Variants in GLYATL1 observed in about 807,000 individuals in gnomAD.
GLYATL1 encodes the protein glycine-N-acyltransferase like 1, also known as glycine N-acyltransferase-like protein 1.
In GLYATL1, 15 loss-of-function variants were observed where a neutral mutation model predicts 20.0. The ratio of observed to expected loss-of-function variants is 0.75; its 90% CI spans 0.50 to 1.15. The LOEUF is 1.15. GLYATL1 is among the 50% of genes most tolerant of loss of function. The probability of loss-of-function intolerance (pLI) is 0.00; values close to 1 mark genes in which losing one functional copy is unlikely to be tolerated. For synonymous variants in GLYATL1, 151 were observed against 131.5 expected, an observed-to-expected ratio of 1.15 and a Z score of -1.01; for missense variants, 380 against 368.5, an observed-to-expected ratio of 1.03 and a Z score of -0.26.
chr11:58,954,374 G>A (rs1857225724), intron 4 of GLYATL1, among the ~76,000 whole-genome samples: 1 of 152,204 alleles, frequency 6.6e-6, no homozygotes, highest in South Asian at 2.1e-4. Context: ...GAAGCAGGGA[G>A]AGAAGCAATT....
At chr11:58,950,868 C>T (rs1182327448) in intron 4 of GLYATL1, among the ~76,000 whole-genome samples, 1 of 151,900 alleles carries the variant, frequency 6.6e-6, no homozygotes, top group Admixed American at 6.6e-5. Context: ...TTACTTTTGA[C>T]CTGTTTATAT....
chr11:58,931,092 C>T (rs189063465), intron 1 of GLYATL1, among the ~76,000 whole-genome samples: 13 of 152,280 alleles, frequency 8.5e-5, no homozygotes, highest in Admixed American at 3.3e-4. Flanking sequence ...ATTATCTCAT[C>T]GTTCTGGAGG....
intron 4 of GLYATL1, among the ~76,000 whole-genome samples, chr11:58,953,201 AT>A (rs1857120038): frequency 6.6e-6 from 1 of 152,122 alleles, no homozygotes; most frequent in Non-Finnish European, 1.5e-5. Context: ...TTCATTTCTG[AT>A]ATTTTCTATT....
At chr11:58,942,976 AAC>A (rs1856277006) in intron 1 of GLYATL1, among the ~76,000 whole-genome samples, 4 of 152,220 alleles carry the variant, frequency 2.6e-5, no homozygotes, top group Admixed American at 2.6e-4. Context: ...TGGATTTAAT[AAC>A]ACAGAGATCC....
rs2298441 is a variant in GLYATL1 at position 58,955,769 on chromosome 11, G to A, written c.651G>A (p.Pro217=). The change falls in exon 7 of 7, where the codon CCG becomes CCA. Residue 217 remains proline (P), a synonymous_variant. Coordinates refer to ENST00000532726, the MANE Select transcript of GLYATL1 (RefSeq NM_001389712.2). ...GTATGCTCGGCCCAGAGGGAGTCCC[G>A]GTCTCATGGGTAACCATGGACCCTT... is the stretch of plus-strand genomic sequence containing the variant. ...AACMLGPEGV[P]VSWVTMDPSC... The A allele has an allele frequency of 1.5e-4, 239 of 1,614,108 alleles. No homozygotes were observed. In the East Asian group the frequency reaches 4.8e-3, roughly 32 times the overall value.
chr11:58,905,940 T>A (rs115318195), intron 1 of GLYATL1, among the ~76,000 whole-genome samples: 5,008 of 152,272 alleles, frequency 0.033, 248 homozygotes, highest in African/African-American at 0.11. Flanking sequence ...AGACTCTTCG[T>A]CCATTGGCCA....
chr11:58,937,261 C>G (rs1855877293), upstream of GLYATL1, among the ~76,000 whole-genome samples: 3 of 152,160 alleles, frequency 2.0e-5, no homozygotes, highest in South Asian at 6.2e-4. Flanking sequence ...AGAATCTGCT[C>G]AATCACCAAA....
At chr11:58,943,207 T>C (rs1026132646) in intron 1 of GLYATL1, 9 of 1,416,056 alleles carry the variant, frequency 6.4e-6, no homozygotes, top group Admixed American at 2.9e-5. Flanking sequence ...TCAGACAAAA[T>C]TGAAAACCTA....
rs376379761 is a variant in GLYATL1, at chr11:58,955,883, G to T, written c.765G>T (p.Leu255=). The T allele has an allele frequency of 6.2e-7, 1 of 1,614,206 alleles. No individual in the cohort carries two copies. Reference sequence around the variant, plus strand: ...TGATGGTGCGATACATGAAATATCTGCGTCAGAAGAATATTCCATTTTACA... The same window carrying T: ...TGATGGTGCGATACATGAAATATCTTCGTCAGAAGAATATTCCATTTTACA... ...ARVMVRYMKY[L]RQKNIPFYIS... The change falls in exon 7 of 7, where the codon CTG becomes CTT. Residue 255 remains leucine (L), a synonymous_variant. Transcript: ENST00000532726.
chr11:58,947,820 A>G, intron 3 of GLYATL1, 38 bp from the exon 4 acceptor site: 62 of 1,291,546 alleles, frequency 4.8e-5, no homozygotes, highest in Non-Finnish European at 6.2e-5. Context: ...ATCTCTGGGG[A>G]TCTCAACCTC....
rs572527815 is a variant in GLYATL1, at chr11:58,916,362, C to T, written n.264+10701C>T. On this transcript the variant is annotated intron_variant and non_coding_transcript_variant, in intron 1 of 2. Coordinates refer to the GLYATL1 transcript ENST00000534674. ...ACATCCTCCTTTAGGGCTGAAAGTA[C>T]GATTACCCCATATGGTTCTACTGCC... Among the ~76,000 whole-genome samples, 46 of 152,282 alleles carry T rather than the reference C, an allele frequency of 3.0e-4. 1 individual carries two copies. The highest frequency in any genetic ancestry group is 9.1e-4 in the African/African-American group (38 of 41,552).
downstream of GLYATL1, among the ~76,000 whole-genome samples, chr11:58,910,348 T>G (rs1019586308): frequency 6.6e-5 from 10 of 152,190 alleles, no homozygotes; most frequent in African/African-American, 2.4e-4. Flanking sequence ...TTAAGTTAAA[T>G]ATTAATGATA....
At chr11:58,914,640 C>A (rs1321594430) in intron 1 of GLYATL1, among the ~76,000 whole-genome samples, 1 of 152,138 alleles carries the variant, frequency 6.6e-6, no homozygotes, top group Non-Finnish European at 1.5e-5. Context: ...AAAGATTGGT[C>A]ATTGTTCTGG....
chr11:58,920,311 T>C (rs1023994755), intron 1 of GLYATL1, among the ~76,000 whole-genome samples: 3 of 152,158 alleles, frequency 2.0e-5, no homozygotes, highest in Admixed American at 1.3e-4. Flanking sequence ...AATAGTCCCA[T>C]GAACATGGAA....
chr11:58,926,863 C>A (rs1855440805), upstream of GLYATL1, among the ~76,000 whole-genome samples: 1 of 152,198 alleles, frequency 6.6e-6, no homozygotes. Flanking sequence ...ATGGAGTTCT[C>A]AGGCTGACCA....
chr11:58,922,641 G>A (rs510360), upstream of GLYATL1, among the ~76,000 whole-genome samples: 1 of 151,882 alleles, frequency 6.6e-6, no homozygotes, highest in African/African-American at 2.4e-5. Flanking sequence ...ATTGGAACAC[G>A]TGAGGTGACT....
In GLYATL1 at chr11:58,955,207, A is replaced by G. The variant is rs1212695283; in HGVS notation, c.345A>G (p.Arg115=). 6.2e-7 allele frequency: 1 copy of G among 1,613,922 alleles called. No homozygotes were observed. The highest frequency in any genetic ancestry group is 8.5e-7 in the Non-Finnish European group (1 of 1,179,976). The change falls in exon 6 of 7, where the codon AGA becomes AGG. Residue 115 remains arginine, a synonymous_variant. Transcript: ENST00000532726. ...GLQESLGEGI[R]VATFSKSVKV... is the part of the protein sequence containing the mutation. ...AAGAAAGTTTAGGTGAGGGGATAAG[A>G]GTGGCTACATTTTCAAAGTCAGTGA...
chr11:58,932,796 T>C lies in GLYATL1; in HGVS notation c.-212+4967T>C, dbSNP rs1221926130. On this transcript the variant is annotated intron_variant, in intron 1 of 7. Transcript: ENST00000317391. ...CTACATATATATGTCTCTAAATAAG[T>C]GTAAGACACTACTAATTTTAAAACA... Among the ~76,000 whole-genome samples the C allele has an allele frequency of 2.0e-5, 3 of 152,160 alleles. No homozygotes were observed. The South Asian group carries it at 6.2e-4, about 32-fold the overall frequency.
At chr11:58,941,601 A>C (rs969608756) in intron 1 of GLYATL1, among the ~76,000 whole-genome samples, 1 of 152,194 alleles carries the variant, frequency 6.6e-6, no homozygotes, top group Non-Finnish European at 1.5e-5. Flanking sequence ...AGGATGGCCA[A>C]AGGAGGCCTT....
Sources: gnomAD v4.1 joint callset for allele counts (sites outside exome capture counted in the v4.1 genomes callset) on GRCh38, gnomAD v4.1.1 for gene constraint, MANE v1.5 for transcripts, NCBI Gene and HGNC (gene_info 2026-07-23, HGNC 2026-07-21) for gene names.